NUTM1: variants seen among roughly 807,000 people sequenced by gnomAD.
NUTM1 encodes NUT midline carcinoma family member 1.
Under a neutral mutation model 88.7 loss-of-function variants are expected in NUTM1, and 39 were observed. That is an observed-to-expected ratio of 0.44 (90% CI 0.34 to 0.57). The LOEUF (loss-of-function observed/expected upper bound fraction) is 0.57, where lower values mean the gene tolerates loss of function less well. NUTM1 is among the 20% of genes least tolerant of loss of function. NUTM1 has a pLI of 0.01. For missense variants in NUTM1, 1,350 were observed against 1,414.5 expected (o/e 0.95, Z 0.73); for synonymous variants, 494 against 538.0 (o/e 0.92, Z 1.13).
In NUTM1 at chr15:34,354,195, T is replaced by A. The variant is rs756880495; in HGVS notation, c.1076-251T>A. 5.3e-5 allele frequency among the ~76,000 whole-genome samples: 8 copies of A among 152,136 alleles called. No individual in the cohort carries two copies. The South Asian group carries it at 6.2e-4, about 12-fold the overall frequency. ...ATCTCAGGGATTCCAAAATTCCTCA[T>A]ACAGTGATTCTTAGACCCTCTAGGT... On this transcript the variant is annotated intron_variant, in intron 5 of 7. Transcript: ENST00000537011.
At position 34,348,127 on chromosome 15, in the gene NUTM1, A is replaced by G; in HGVS notation, c.259A>G (p.Asn87Asp). 1 of 1,614,116 alleles carries G rather than the reference A, an allele frequency of 6.2e-7. No individual in the cohort carries two copies. The highest frequency in any genetic ancestry group is 8.5e-7 in the Non-Finnish European group (1 of 1,180,018). Reference sequence around the variant, plus strand: ...CATGCCTTCAGTATTCTCTCCAGACAACCCTCTGATGCTCTCTGCTTTCCC... The same window carrying G: ...CATGCCTTCAGTATTCTCTCCAGACGACCCTCTGATGCTCTCTGCTTTCCC... ...PIMPSVFSPD[N>D]PLMLSAFPSS... The change falls in exon 3 of 8, where the codon AAC becomes GAC. Residue 87 changes from asparagine to aspartate, a missense_variant. Coordinates refer to ENST00000537011, the MANE Select transcript of NUTM1 (RefSeq NM_001284292.2).
intron 5 of NUTM1, among the ~76,000 whole-genome samples, 177 bp downstream of exon 5, chr15:34,354,049 T>C (rs1401469753): frequency 6.6e-6 from 1 of 152,210 alleles, no homozygotes; most frequent in Non-Finnish European, 1.5e-5. Context: ...AGGTTCCTTT[T>C]GCCCTGAACT....
intron 3 of NUTM1, among the ~76,000 whole-genome samples, chr15:34,348,896 C>G (rs1890658598): frequency 6.6e-6 from 1 of 152,166 alleles, no homozygotes; most frequent in Non-Finnish European, 1.5e-5. Flanking sequence ...TTAAGTGATC[C>G]TCACCACACT....
chr15:34,353,962 C>T, intron 5 of NUTM1, 90 bp downstream of exon 5: 9 of 1,395,734 alleles, frequency 6.4e-6, no homozygotes, highest in Non-Finnish European at 7.9e-6. Context: ...AAGGCATAGC[C>T]CAGGCTCTGC....
chr15:34,354,322 A>G, intron 5 of NUTM1, 124 bp from the exon 6 acceptor site: 1 of 1,073,084 alleles, frequency 9.3e-7, no homozygotes, highest in Non-Finnish European at 1.4e-6. Flanking sequence ...GGGAGGCAGA[A>G]GCTGTGGTTT....
chr15:34,348,423 C>G lies in NUTM1; in HGVS notation c.555C>G (p.Gly185=), dbSNP rs758195856. 4.3e-5 allele frequency: 70 copies of G among 1,614,022 alleles called. No individual in the cohort carries two copies. Among genetic ancestry groups the G allele is most frequent in the Non-Finnish European group, 5.6e-5 (66 of 1,180,002 alleles). The change falls in exon 3 of 8, where the codon GGC becomes GGG. Residue 185 remains glycine (G), a synonymous_variant. Transcript: ENST00000537011. The part of the protein sequence containing the change: ...AVGVSQEGPP[G]LPPQPPPPVA... ...GTGTCAGCCAGGAGGGTCCTCCAGG[C>G]CTTCCGCCTCAGCCTCCACCACCAG...
chr15:34,350,944 C>G, intron 4 of NUTM1, 112 bp downstream of exon 4: 1 of 1,370,530 alleles, frequency 7.3e-7, no homozygotes, highest in African/African-American at 1.4e-5. Context: ...TAGGATGGGG[C>G]GCAGCGGCTC....
chr15:34,357,371 A>T lies in NUTM1; in HGVS notation c.3363A>T (p.Gln1121His). The change falls in exon 8 of 8, where the codon CAA (glutamine) becomes CAT (histidine). Residue 1121 changes from glutamine to histidine, a missense_variant. This residue lies in a region of NUTM1 where 730 missense variants were observed against 728.8 expected (regional missense o/e 1.00). Coordinates refer to ENST00000537011, the MANE Select transcript of NUTM1 (RefSeq NM_001284292.2). The part of the protein sequence containing the change: ...PTEKTPHSGA[Q>H]LGVPREKPLA... ...AAAAGACACCCCACTCAGGAGCTCA[A>T]CTTGGGGTCCCCAGGGAGAAACCCC... 4 of 1,614,232 alleles carry T rather than the reference A, an allele frequency of 2.5e-6. No homozygotes were observed. The highest frequency in any genetic ancestry group is 3.4e-6 in the Non-Finnish European group (4 of 1,180,042).
rs753820990 is a variant in NUTM1 at position 34,345,993 on chromosome 15, C to A, written c.58C>A (p.Pro20Thr). 3 of 1,614,018 alleles carry A rather than the reference C, an allele frequency of 1.9e-6. No homozygotes were observed. The highest frequency in any genetic ancestry group is 2.5e-6 in the Non-Finnish European group (3 of 1,180,022). ...DCLILEASRQ[P>T]QLVPKPERMA... is the part of the protein sequence containing the mutation. ...CCTCATTCTGGAGGCTTCCAGACAG[C>A]CACAGTTAGTGCCCAAACCTGAGAG... Residue 20 changes from proline to threonine, a missense_variant, in exon 2 of 8, where the codon CCA (proline) becomes ACA (threonine). By Grantham distance (38) the Pro-to-Thr change is conservative. Transcript: ENST00000537011.
chr15:34,350,857 C>A (rs1459150981), intron 4 of NUTM1, 25 bp downstream of exon 4: 1 of 1,613,304 alleles, frequency 6.2e-7, no homozygotes, highest in Non-Finnish European at 8.5e-7. Flanking sequence ...CCTTCATTCT[C>A]CTGAGGGAGG....
In NUTM1 at chr15:34,355,634, T is replaced by C; in HGVS notation, c.1626T>C (p.Leu542=). 6.2e-7 allele frequency: 1 copy of C among 1,611,974 alleles called. No individual in the cohort carries two copies. Among genetic ancestry groups the C allele is most frequent in the South Asian group, 1.1e-5 (1 of 90,916 alleles). ...GDGRLRPSPG[L]QGAGGAACLG... ...GGCGGCTTCGGCCCTCACCTGGGCT[T>C]CAGGGGGCTGGGGGCGCCGCTTGCC... The change falls in exon 8 of 8, where the codon CTT becomes CTC. Residue 542 remains leucine, a synonymous_variant. Coordinates refer to ENST00000537011, the MANE Select transcript of NUTM1 (RefSeq NM_001284292.2). The surrounding 1 kb of genome is among the most constrained non-coding windows in gnomAD (Gnocchi z 4.3).
chr15:34,348,744 T>A, intron 3 of NUTM1, 67 bp downstream of exon 3: 4 of 1,184,966 alleles, frequency 3.4e-6, no homozygotes, highest in Non-Finnish European at 4.9e-6. Context: ...GGGGTGAACA[T>A]AGTAGTTTAG....
chr15:34,355,693 G>A lies in NUTM1; in HGVS notation c.1685G>A (p.Arg562Lys). Residue 562 changes from arginine (R) to lysine (K), a missense_variant, in exon 8 of 8, where the codon AGA (arginine) becomes AAA (lysine). Physicochemically the swap from Arg to Lys is conservative, Grantham distance 26. Coordinates refer to ENST00000537011, the MANE Select transcript of NUTM1 (RefSeq NM_001284292.2). This position sits in a 1 kb window ranked among gnomAD's most constrained non-coding sequence, Gnocchi z 4.3. Reference protein sequence around the residue: ...GKVSSSGKRAREVHGGQEQAL... With the variant: ...GKVSSSGKRAKEVHGGQEQAL... Reference sequence around the variant, plus strand: ...GTTTCTTCTTCAGGAAAACGGGCAAGAGAAGTGCATGGTGGGCAGGAGCAA... The same window carrying A: ...GTTTCTTCTTCAGGAAAACGGGCAAAAGAAGTGCATGGTGGGCAGGAGCAA... 6.2e-7 allele frequency: 1 copy of A among 1,609,908 alleles called. No individual in the cohort carries two copies. The highest frequency in any genetic ancestry group is 8.5e-7 in the Non-Finnish European group (1 of 1,177,654).
rs1167250771 is a variant in NUTM1 at position 34,355,703 on chromosome 15, T to C, written c.1695T>C (p.His565=). 6 of 1,610,618 alleles carry C rather than the reference T, an allele frequency of 3.7e-6. No individual in the cohort carries two copies. Among genetic ancestry groups the C allele is most frequent in the Non-Finnish European group, 5.1e-6 (6 of 1,178,064 alleles). Residue 565 remains histidine, a synonymous_variant, in exon 8 of 8, where the codon CAT becomes CAC. Transcript: ENST00000537011. This position sits in a 1 kb window ranked among gnomAD's most constrained non-coding sequence, Gnocchi z 4.3. ...CAGGAAAACGGGCAAGAGAAGTGCA[T>C]GGTGGGCAGGAGCAAGCCCTAGATA... ...SSSGKRAREV[H]GGQEQALDSP... is the part of the protein sequence containing the mutation.
At position 34,352,059 on chromosome 15, in the gene NUTM1, A is replaced by G. The variant is rs548440636; in HGVS notation, c.938+1227A>G. ...GTGGCGCATGCCTGTAATCCCAGCTACTCAGGAGGCTGAGGCAGGAGAATC... is the reference window on the plus strand; with the variant it reads ...GTGGCGCATGCCTGTAATCCCAGCTGCTCAGGAGGCTGAGGCAGGAGAATC... On this transcript the variant is annotated intron_variant, in intron 4 of 7. Transcript: ENST00000537011. 6.6e-5 allele frequency among the ~76,000 whole-genome samples: 10 copies of G among 152,194 alleles called. No individual in the cohort carries two copies. The South Asian group carries it at 2.1e-3, about 32-fold the overall frequency.
rs1890768225 is a variant in NUTM1, at chr15:34,354,621, T to A, written c.1251T>A (p.Asp417Glu). The A allele has an allele frequency of 6.2e-7, 1 of 1,613,956 alleles. No individual in the cohort carries two copies. Among genetic ancestry groups the A allele is most frequent in the African/African-American group, 1.3e-5 (1 of 74,878 alleles). ...CTCACTTGGCCACTGGGGAGTCAGA[T>A]GGAAAACAAGAGGAAGAAGGGCAGC... ...VGTHLATGES[D>E]GKQEEEGQQQ... is the part of the protein sequence containing the mutation. The change falls in exon 6 of 8, where the codon GAT becomes GAA. Residue 417 changes from aspartate (D) to glutamate (E), a missense_variant. By Grantham distance (45) the Asp-to-Glu change is conservative. Around this residue, in one of 5 missense-constraint regions of NUTM1, gnomAD observed 126 missense variants for 189.8 expected, o/e 0.66. Coordinates refer to ENST00000537011, the MANE Select transcript of NUTM1 (RefSeq NM_001284292.2).
At chr15:34,347,017 GAAGT>G (rs1196995734) in intron 2 of NUTM1, among the ~76,000 whole-genome samples, 5 of 150,736 alleles carry the variant, frequency 3.3e-5, no homozygotes, top group Non-Finnish European at 7.4e-5. Flanking sequence ...TTCTCAACGA[GAAGT>G]AAGATCAAAA....
At chr15:34,347,806 T>A (rs1021144257) in intron 2 of NUTM1, among the ~76,000 whole-genome samples, 163 bp from the exon 3 acceptor site, 9 of 152,010 alleles carry the variant, frequency 5.9e-5, no homozygotes, top group African/African-American at 1.2e-4. Flanking sequence ...TGAGCCGAGA[T>A]TGTGCCACTG....
chr15:34,356,122 T>TA lies in NUTM1; in HGVS notation c.2115dup (p.Ala706SerfsTer15). 3.1e-6 allele frequency: 5 copies of TA among 1,613,466 alleles called. No homozygotes were observed. The highest frequency in any genetic ancestry group is 4.2e-6 in the Non-Finnish European group (5 of 1,179,524). On this transcript the variant is annotated frameshift_variant, in exon 8 of 8. Transcript: ENST00000537011. LOFTEE classifies it high-confidence loss of function. ...GTGCTTCCTCAAGGGAAGGAGCCTTTAGCAGTGCCCTGGGAAGGCTCTTCA... is the reference window on the plus strand; with the variant it reads ...GTGCTTCCTCAAGGGAAGGAGCCTTTAAGCAGTGCCCTGGGAAGGCTCTTCA...
Sources: gnomAD v4.1 joint callset for allele counts (sites outside exome capture counted in the v4.1 genomes callset) on GRCh38, gnomAD v4.1.1 for gene constraint, gnomAD v4.1.1 regional missense constraint, Gnocchi (gnomAD v3.1) non-coding constraint, MANE v1.5 for transcripts, NCBI Gene and HGNC (gene_info 2026-07-23, HGNC 2026-07-21) for gene names.